Variants in SLC2A13 observed in about 807,000 individuals in gnomAD.
The protein encoded by SLC2A13 is proton myo-inositol cotransporter.
A neutral mutation model predicts 64.4 loss-of-function variants in SLC2A13; 32 were observed. That is an observed-to-expected ratio of 0.50 (90% confidence interval 0.37 to 0.67). The LOEUF is 0.67. Ranked by LOEUF, SLC2A13 falls within the 30% of genes least tolerant of loss-of-function variation. The probability of loss-of-function intolerance (pLI) is 0.00; values close to 1 mark genes in which losing one functional copy is unlikely to be tolerated. For synonymous variants in SLC2A13, 338 were observed against 327.1 expected, an observed-to-expected ratio of 1.03 and a Z score of -0.36; for missense variants, 743 against 829.2, an observed-to-expected ratio of 0.90 and a Z score of 1.28.
chr12:39,898,823 CTT>C (rs1399406186), intron 4 of SLC2A13, among the ~76,000 whole-genome samples: 1 of 152,152 alleles, frequency 6.6e-6, no homozygotes, highest in Non-Finnish European at 1.5e-5. Context: ...AATGGGGTAA[CTT>C]CACACATTTT....
At chr12:39,898,734 T>C (rs917366686) in intron 4 of SLC2A13, among the ~76,000 whole-genome samples, 1 of 152,144 alleles carries the variant, frequency 6.6e-6, no homozygotes, top group Non-Finnish European at 1.5e-5. Flanking sequence ...CATGTGTTCA[T>C]GGAATGGAAC....
chr12:40,103,350 C>A lies in SLC2A13; in HGVS notation c.556+1903G>T, dbSNP rs1488900451. 2.0e-5 allele frequency among the ~76,000 whole-genome samples: 3 copies of A among 152,150 alleles called. No homozygotes were observed. In the East Asian group the frequency reaches 5.8e-4, roughly 29 times the overall value. ...TCCATTGGTAAGAGCTTCTGGCTTC[C>A]CTCTGTTGGAGATAACTGTACCCCC... On this transcript the variant is annotated intron_variant, in intron 1 of 9. Coordinates refer to ENST00000280871, the MANE Select transcript of SLC2A13 (RefSeq NM_052885.4).
intron 1 of SLC2A13, among the ~76,000 whole-genome samples, chr12:40,075,323 A>G (rs1394227670): frequency 2.6e-5 from 4 of 152,166 alleles, no homozygotes; most frequent in African/African-American, 9.7e-5. Context: ...CTATACAAGC[A>G]ATGTTTCCCA....
At chr12:39,986,004 C>T (rs765511999) in intron 3 of SLC2A13, among the ~76,000 whole-genome samples, 17 of 152,062 alleles carry the variant, frequency 1.1e-4, no homozygotes, top group Non-Finnish European at 1.9e-4. Context: ...ATTCACTGTG[C>T]GGTGAGGGCC....
intron 7 of SLC2A13, among the ~76,000 whole-genome samples, chr12:39,770,010 C>T (rs1940504155): frequency 6.6e-6 from 1 of 151,956 alleles, no homozygotes; most frequent in Non-Finnish European, 1.5e-5. Flanking sequence ...ACATTGCTGA[C>T]AACTCTCCTT....
In SLC2A13 at chr12:39,756,458, T is replaced by C. The variant is rs1939971583; in HGVS notation, c.*3568A>G. ...AAAAATCTGATTATAACAAAACGTC[T>C]CATTAATTTTGTTGTTTTTAATAAT... is the stretch of plus-strand genomic sequence containing the variant. On this transcript the variant is annotated 3_prime_UTR_variant, in exon 10 of 10. Transcript: ENST00000280871. 1 of 151,840 alleles carries C rather than the reference T, an allele frequency of 6.6e-6. No individual in the cohort carries two copies. The highest frequency in any genetic ancestry group is 1.5e-5 in the Non-Finnish European group (1 of 67,720). 9.4% of individuals were successfully genotyped at this position (151,840 alleles called of 1,614,324 possible).
chr12:40,018,773 T>A (rs181498409), intron 3 of SLC2A13, among the ~76,000 whole-genome samples: 1 of 152,282 alleles, frequency 6.6e-6, no homozygotes, highest in Admixed American at 6.5e-5. Flanking sequence ...GGTCAGGGGA[T>A]GTGAACAATC....
intron 4 of SLC2A13, among the ~76,000 whole-genome samples, chr12:39,890,418 G>C (rs1320530397): frequency 1.3e-5 from 2 of 152,278 alleles, no homozygotes; most frequent in African/African-American, 2.4e-5. Flanking sequence ...CTGGCAAAGG[G>C]AAAGTAAGGT....
chr12:40,058,893 C>T (rs999940826), intron 1 of SLC2A13, among the ~76,000 whole-genome samples: 1 of 152,202 alleles, frequency 6.6e-6, no homozygotes, highest in Non-Finnish European at 1.5e-5. Context: ...GCAGTATCAT[C>T]TCTCTTAGGC....
intron 7 of SLC2A13, among the ~76,000 whole-genome samples, chr12:39,822,066 C>A (rs1345556207): frequency 8.8e-6 from 1 of 113,248 alleles, no homozygotes; most frequent in Non-Finnish European, 1.8e-5. Context: ...CTATCCCTCC[C>A]CCCTCCCCCC....
intron 1 of SLC2A13, among the ~76,000 whole-genome samples, chr12:40,088,555 T>C (rs1938661496): frequency 6.6e-6 from 1 of 152,148 alleles, no homozygotes; most frequent in South Asian, 2.1e-4. Context: ...TTGGGGGAGT[T>C]AGTCTAGCTG....
intron 2 of SLC2A13, among the ~76,000 whole-genome samples, chr12:40,038,249 T>C (rs1948022397): frequency 2.0e-5 from 3 of 152,256 alleles, no homozygotes; most frequent in South Asian, 4.1e-4. Flanking sequence ...CTTAGACCCA[T>C]GAATTATTTA....
intron 7 of SLC2A13, among the ~76,000 whole-genome samples, chr12:39,811,480 C>T (rs549625739): frequency 3.3e-5 from 5 of 152,106 alleles, no homozygotes; most frequent in Non-Finnish European, 7.4e-5. Context: ...CTTTAGCTGT[C>T]CCCTGACGTT....
intron 4 of SLC2A13, among the ~76,000 whole-genome samples, chr12:39,887,598 T>C (rs11174139): frequency 0.013 from 1,933 of 152,310 alleles, 30 homozygotes; most frequent in African/African-American, 0.044. Flanking sequence ...AGGAGTTTTT[T>C]TAAGCACCAG....
chr12:39,812,752 G>GT lies in SLC2A13; in HGVS notation c.1445+17350dup, dbSNP rs368639544. ...CTCCCAAACTGCTGGGATTACGGGCGTGAGTCATTGCACCTGGCGGTTTCT... is the reference window on the plus strand; with the variant it reads ...CTCCCAAACTGCTGGGATTACGGGCGTTGAGTCATTGCACCTGGCGGTTTCT... On this transcript the variant is annotated intron_variant, in intron 7 of 9. Transcript: ENST00000280871. Among the ~76,000 whole-genome samples the GT allele has an allele frequency of 4.7e-3, 711 of 151,450 alleles. 11 individuals are homozygous for GT. Among genetic ancestry groups the GT allele is most frequent in the African/African-American group, 0.017 (695 of 41,280 alleles).
intron 2 of SLC2A13, among the ~76,000 whole-genome samples, chr12:40,032,414 C>T (rs1947919196): frequency 6.6e-6 from 1 of 152,212 alleles, no homozygotes; most frequent in Non-Finnish European, 1.5e-5. Flanking sequence ...TCTAAACTTA[C>T]AGTTACAAAA....
chr12:40,036,967 C>T (rs1351895849), intron 2 of SLC2A13, among the ~76,000 whole-genome samples: 1 of 152,126 alleles, frequency 6.6e-6, no homozygotes, highest in African/African-American at 2.4e-5. Flanking sequence ...GTTATTCTCT[C>T]AAATATTTTC....
intron 4 of SLC2A13, among the ~76,000 whole-genome samples, chr12:39,933,489 T>C (rs1414946211): frequency 6.6e-6 from 1 of 152,220 alleles, no homozygotes; most frequent in African/African-American, 2.4e-5. Flanking sequence ...TCTTGCTTCA[T>C]GGTGCCCTTG....
chr12:39,980,550 A>G (rs995187013), intron 3 of SLC2A13, among the ~76,000 whole-genome samples: 58 of 151,932 alleles, frequency 3.8e-4, no homozygotes, highest in Admixed American at 1.4e-3. Context: ...CAGACTTTAA[A>G]CCAACAAAGA....
Sources: allele counts gnomAD v4.1 joint callset (sites outside exome capture counted in the v4.1 genomes callset), GRCh38; gene constraint gnomAD v4.1.1; transcripts MANE v1.5; gene names NCBI Gene and HGNC (gene_info 2026-07-23, HGNC 2026-07-21).